SPRY4: variants seen among roughly 807,000 people sequenced by gnomAD.
SPRY4 encodes the protein protein sprouty homolog 4.
A neutral mutation model predicts 17.0 loss-of-function variants in SPRY4; 7 were observed. The observed-to-expected ratio is 0.41, with a 90% CI of 0.23 to 0.77. SPRY4 has a LOEUF of 0.77. Among genes scored for constraint, SPRY4 ranks in the 30% least tolerant of loss-of-function variants. The pLI is 0.32. For missense variants in SPRY4, 435 were observed against 419.9 expected, an observed-to-expected ratio of 1.04 and a Z score of -0.31; for synonymous variants, 183 against 174.1, an observed-to-expected ratio of 1.05 and a Z score of -0.40.
At chr5:142,317,720 T>C (rs1759206094) in intron 1 of SPRY4, 2 of 985,094 alleles carry the variant, frequency 2.0e-6, no homozygotes, top group African/African-American at 3.5e-5. Flanking sequence ...TAATAGGCCT[T>C]GGAATCAGAA....
At chr5:142,317,664 A>G (rs1759203923) in intron 1 of SPRY4, 1 of 982,340 alleles carries the variant, frequency 1.0e-6, no homozygotes, top group Non-Finnish European at 1.2e-6. Flanking sequence ...AAAACAGCCC[A>G]TGTCCTACAG....
At position 142,314,690 on chromosome 5, in the gene SPRY4, G is replaced by A. The variant is rs1433776656; in HGVS notation, c.419C>T (p.Pro140Leu). Residue 140 changes from proline to leucine, a missense_variant, in exon 2 of 2, where the codon CCG becomes CTG. Pro to Leu is a moderately conservative substitution (Grantham distance 98). Transcript: ENST00000434127. This position sits in a 1 kb window ranked among gnomAD's most constrained non-coding sequence, Gnocchi z 4.8. ...RIQPKVVHCQ[P>L]LDLKGPAVPP... Reference sequence around the variant, plus strand: ...GACCGCCGGGCCCTTGAGGTCCAGCGGCTGGCAGTGGACCACCTTGGGCTG... The same window carrying A: ...GACCGCCGGGCCCTTGAGGTCCAGCAGCTGGCAGTGGACCACCTTGGGCTG... 4.3e-6 allele frequency: 7 copies of A among 1,614,032 alleles called. No individual in the cohort carries two copies. Among genetic ancestry groups the A allele is most frequent in the Middle Eastern group, 1.6e-4 (1 of 6,084 alleles).
chr5:142,324,616 G>C (rs1759469438), intron 1 of SPRY4, among the ~76,000 whole-genome samples: 1 of 152,206 alleles, frequency 6.6e-6, no homozygotes, highest in Non-Finnish European at 1.5e-5. Flanking sequence ...ATGCCCAGGG[G>C]TCGGAAACGG....
chr5:142,314,845 A>T lies in SPRY4; in HGVS notation c.264T>A (p.His88Gln). The T allele has an allele frequency of 6.3e-7, 1 of 1,588,754 alleles. No individual in the cohort carries two copies. The highest frequency in any genetic ancestry group is 8.6e-7 in the Non-Finnish European group (1 of 1,164,726). Reference protein sequence around the residue: ...PARCDQDVTHHWISFSGRPSS... With the variant: ...PARCDQDVTHQWISFSGRPSS... ...TGGGGCGCCCGCTGAAGGAGATCCA[A>T]TGGTGGGTGACATCCTGGTCACAGC... The change falls in exon 2 of 2, where the codon CAT becomes CAA. Residue 88 changes from histidine to glutamine, a missense_variant. His to Gln is a conservative substitution (Grantham distance 24). Coordinates refer to ENST00000434127, the MANE Select transcript of SPRY4 (RefSeq NM_001127496.3). This position sits in a 1 kb window ranked among gnomAD's most constrained non-coding sequence, Gnocchi z 4.8.
Position 142,313,692 on chromosome 5 carries a change from G to C in SPRY4, c.*517C>G, listed in dbSNP as rs1203498211. 1 of 158,416 alleles carries C rather than the reference G, an allele frequency of 6.3e-6. No homozygotes were observed. The allele number at this position is 158,416 out of a possible 1,614,324, so 9.8% of individuals were successfully genotyped here. A position where few individuals can be genotyped will look rare whatever the true frequency, so the allele number is the denominator to read the frequency against. On this transcript the variant is annotated 3_prime_UTR_variant, in exon 2 of 2. Transcript: ENST00000434127. ...CAAGACATCAGGGACAAAGTGGGGT[G>C]GAGTGAGATGGGGAAGGAGAAGAAG...
chr5:142,322,484 A>AAAATATATATG lies in SPRY4; in HGVS notation c.-48+2359_-48+2360insCATATATATTT, dbSNP rs1554100324. Among the ~76,000 whole-genome samples, 440 of 103,166 alleles carry AAAATATATATG rather than the reference A, an allele frequency of 4.3e-3. 1 individual carries two copies. The highest frequency in any genetic ancestry group is 7.3e-3 in the East Asian group (18 of 2,458). The allele number at this position is 103,166 out of a possible 152,430, so 67.7% of individuals were successfully genotyped here. Reference sequence around the variant, plus strand: ...AGACTCGTCTCAAGAAAAAAAAAAAATATATATATATATATATAAATGAAA... The same window carrying AAAATATATATG: ...AGACTCGTCTCAAGAAAAAAAAAAAAAAATATATATGTATATATATATATATATAAATGAAA... On this transcript the variant is annotated intron_variant, in intron 1 of 1. Transcript: ENST00000434127.
chr5:142,322,646 G>C (rs17098398), intron 1 of SPRY4, among the ~76,000 whole-genome samples: 41,646 of 151,766 alleles, frequency 0.27, 6,933 homozygotes, highest in East Asian at 0.67. Context: ...AAAGGTCATG[G>C]AGCTGGGCAG....
At position 142,314,468 on chromosome 5, in the gene SPRY4, T is replaced by C; in HGVS notation, c.641A>G (p.Asp214Gly). ...QGIFYHCTNE[D>G]DEGSCADHPC... ...GTGGTCAGCGCAGGAGCCCTCATCG[T>C]CCTCATTCGTGCAGTGGTAGAAGAT... The change falls in exon 2 of 2, where the codon GAC becomes GGC. Residue 214 changes from aspartate to glycine, a missense_variant. By Grantham distance (94) the Asp-to-Gly change is moderately conservative. Transcript: ENST00000434127. This position sits in a 1 kb window ranked among gnomAD's most constrained non-coding sequence, Gnocchi z 4.8. 1 of 1,614,148 alleles carries C rather than the reference T, an allele frequency of 6.2e-7. No individual in the cohort carries two copies. The highest frequency in any genetic ancestry group is 8.5e-7 in the Non-Finnish European group (1 of 1,180,022).
rs2126985520 is a variant in SPRY4, at chr5:142,313,989, C to A, written c.*220G>T. 3.4e-6 allele frequency: 2 copies of A among 583,972 alleles called. No individual in the cohort carries two copies. The highest frequency in any genetic ancestry group is 5.6e-5 in the East Asian group (2 of 35,546). 36.2% of individuals were successfully genotyped at this position (583,972 alleles called of 1,614,324 possible). On this transcript the variant is annotated 3_prime_UTR_variant, in exon 2 of 2. Coordinates refer to ENST00000434127, the MANE Select transcript of SPRY4 (RefSeq NM_001127496.3). The stretch of plus-strand genomic sequence containing the variant: ...GCATTGTCTGTTTGACACAAAGTTT[C>A]AGGACCCTGAAAAAAAGCCCCAAAG...
chr5:142,314,716 G>C lies in SPRY4; in HGVS notation c.393C>G (p.Ile131Met). Residue 131 changes from isoleucine to methionine, a missense_variant, in exon 2 of 2, where the codon ATC becomes ATG. Ile to Met is a conservative substitution (Grantham distance 10). Coordinates refer to ENST00000434127, the MANE Select transcript of SPRY4 (RefSeq NM_001127496.3). The surrounding 1 kb of genome is among the most constrained non-coding windows in gnomAD (Gnocchi z 4.8). ...GCTGGCAGTGGACCACCTTGGGCTG[G>C]ATGCGCACAGCCCTTGGTGAGGCCT... ...ADQASPRAVR[I>M]QPKVVHCQPL... The C allele has an allele frequency of 6.2e-7, 1 of 1,613,394 alleles. No homozygotes were observed. The highest frequency in any genetic ancestry group is 8.5e-7 in the Non-Finnish European group (1 of 1,179,446).
chr5:142,317,751 G>C (rs571707761), intron 1 of SPRY4: 1 of 985,066 alleles, frequency 1.0e-6, no homozygotes, highest in African/African-American at 1.8e-5. Flanking sequence ...CCAATTCATG[G>C]AAAAGTCCCA....
chr5:142,318,274 CAGG>C, intron 1 of SPRY4: 2 of 725,800 alleles, frequency 2.8e-6, no homozygotes, highest in South Asian at 6.2e-5. Flanking sequence ...CACTTGAGGT[CAGG>C]AGTTCAAGAC....
rs1758987975 is a variant in SPRY4, at chr5:142,313,153, G to T, written c.*1056C>A. 1 of 152,592 alleles carries T rather than the reference G, an allele frequency of 6.6e-6. No homozygotes were observed. Among genetic ancestry groups the T allele is most frequent in the Non-Finnish European group, 1.5e-5 (1 of 68,040 alleles). 9.5% of individuals were successfully genotyped at this position (152,592 alleles called of 1,614,324 possible). A position where few individuals can be genotyped will look rare whatever the true frequency, so the allele number is the denominator to read the frequency against. On this transcript the variant is annotated 3_prime_UTR_variant, in exon 2 of 2. Transcript: ENST00000434127. The stretch of plus-strand genomic sequence containing the variant: ...TAAAATCCTCTTGTTGATAGGGAGG[G>T]AAATTGTGTTCCTTGAGGTTGCTCG...
At chr5:142,321,178 C>A (rs1300325973) in intron 1 of SPRY4, among the ~76,000 whole-genome samples, 3 of 152,216 alleles carry the variant, frequency 2.0e-5, no homozygotes, top group African/African-American at 7.2e-5. Flanking sequence ...ACACCCCACA[C>A]CTCCTGTGCA....
In SPRY4 at chr5:142,314,795, GTGC is replaced by G. The variant is rs750411967; in HGVS notation, c.311_313del (p.Ser104del). The G allele has an allele frequency of 8.8e-6, 14 of 1,596,208 alleles. No homozygotes were observed. The highest frequency in any genetic ancestry group is 1.7e-5 in the Admixed American group (1 of 59,318). ...GTCTAAGAGCCGTTGGTCAGAGGAT[GTGC>G]TGCTGCTGCTGCTCACAGAGCTGGG... On this transcript the variant is annotated inframe_deletion, in exon 2 of 2. Transcript: ENST00000434127. This position sits in a 1 kb window ranked among gnomAD's most constrained non-coding sequence, Gnocchi z 4.8.
At chr5:142,315,245 G>A (rs1759111976) in intron 1 of SPRY4, 90 bp from the exon 2 acceptor site, 1 of 811,790 alleles carries the variant, frequency 1.2e-6, no homozygotes, top group Non-Finnish European at 1.9e-6. Flanking sequence ...CAGGTCCTTG[G>A]GAGCCGCCCA....
chr5:142,320,940 C>T (rs1390810914), intron 1 of SPRY4, among the ~76,000 whole-genome samples: 1 of 152,240 alleles, frequency 6.6e-6, no homozygotes, highest in Non-Finnish European at 1.5e-5. Context: ...GGCCCCTTCC[C>T]TTCTCCGCCA....
At chr5:142,321,146 A>ACCCT (rs1759333413) in intron 1 of SPRY4, among the ~76,000 whole-genome samples, 1 of 151,956 alleles carries the variant, frequency 6.6e-6, no homozygotes, top group Non-Finnish European at 1.5e-5. Context: ...AGCCAAGAAT[A>ACCCT]CCCTCCCTCT....
chr5:142,322,674 G>A (rs917313563), intron 1 of SPRY4, among the ~76,000 whole-genome samples: 2 of 151,956 alleles, frequency 1.3e-5, no homozygotes, highest in Non-Finnish European at 2.9e-5. Context: ...AAGGGCAAGA[G>A]GGCATTTACA....
Sources: allele counts gnomAD v4.1 joint callset (sites outside exome capture counted in the v4.1 genomes callset), GRCh38; gene constraint gnomAD v4.1.1; non-coding constraint Gnocchi (gnomAD v3.1); transcripts MANE v1.5; gene names NCBI Gene and HGNC (gene_info 2026-07-23, HGNC 2026-07-21).